HSD17B2: variants seen among roughly 807,000 people sequenced by gnomAD.
HSD17B2 encodes the protein 17-beta-hydroxysteroid dehydrogenase type 2.
Under a neutral mutation model 26.9 loss-of-function variants are expected in HSD17B2, and 32 were observed. That is an observed-to-expected ratio of 1.19 (90% CI 0.90 to 1.60). The LOEUF (loss-of-function observed/expected upper bound fraction) is 1.60, where lower values mean the gene tolerates loss of function less well. HSD17B2 is among the 40% of genes most tolerant of loss of function. HSD17B2 has a pLI of 0.00. For missense variants in HSD17B2, 613 were observed against 468.6 expected (o/e 1.31, Z -2.85); for synonymous variants, 246 against 186.7 (o/e 1.32, Z -2.59).
intron 1 of HSD17B2, among the ~76,000 whole-genome samples, chr16:82,040,184 A>G (rs1341757549): frequency 1.3e-5 from 2 of 152,200 alleles, no homozygotes; most frequent in African/African-American, 4.8e-5. Flanking sequence ...GCTCACAAGA[A>G]AGTGTCTCAC....
chr16:82,049,876 C>T (rs1006594043), intron 1 of HSD17B2, among the ~76,000 whole-genome samples: 1 of 152,220 alleles, frequency 6.6e-6, no homozygotes, highest in Non-Finnish European at 1.5e-5. Flanking sequence ...TGCATGCATA[C>T]AGAGAAGGTC....
intron 1 of HSD17B2, among the ~76,000 whole-genome samples, chr16:82,063,493 T>C (rs1183717238): frequency 1.3e-5 from 2 of 151,960 alleles, no homozygotes; most frequent in Non-Finnish European, 2.9e-5. Flanking sequence ...GCCTCATGGG[T>C]AAACACAAGC....
At chr16:82,042,809 T>C (rs573576859) in intron 1 of HSD17B2, among the ~76,000 whole-genome samples, 1 of 152,042 alleles carries the variant, frequency 6.6e-6, no homozygotes, top group East Asian at 2.0e-4. Flanking sequence ...TTAGTAGAGA[T>C]GGGCTTTCAC....
At chr16:82,064,519 C>T (rs759143377) in intron 1 of HSD17B2, among the ~76,000 whole-genome samples, 3 of 152,168 alleles carry the variant, frequency 2.0e-5, no homozygotes, top group Non-Finnish European at 4.4e-5. Context: ...CTTGGGTACA[C>T]ACCTAGGAGC....
chr16:82,051,557 G>A (rs1914107336), intron 1 of HSD17B2, among the ~76,000 whole-genome samples: 1 of 152,004 alleles, frequency 6.6e-6, no homozygotes, highest in South Asian at 2.1e-4. Flanking sequence ...CACACATCGG[G>A]GCCTATTGGG....
chr16:82,042,787 A>G (rs1459004995), intron 1 of HSD17B2, among the ~76,000 whole-genome samples: 1 of 150,430 alleles, frequency 6.6e-6, no homozygotes, highest in African/African-American at 2.5e-5. Context: ...ATGCTCAGCT[A>G]ATTTTGTATT....
intron 1 of HSD17B2, among the ~76,000 whole-genome samples, chr16:82,059,148 A>G (rs1914360591): frequency 1.3e-5 from 2 of 152,208 alleles, no homozygotes; most frequent in African/African-American, 2.4e-5. Context: ...AAACTATGAC[A>G]TATTCCTAGA....
chr16:82,070,466 C>T (rs1914672464), intron 2 of HSD17B2, among the ~76,000 whole-genome samples: 1 of 152,232 alleles, frequency 6.6e-6, no homozygotes, highest in African/African-American at 2.4e-5. Flanking sequence ...TCACAGCATT[C>T]ACATTCTACA....
chr16:82,087,012 T>C (rs1904547078), intron 3 of HSD17B2, among the ~76,000 whole-genome samples: 1 of 152,232 alleles, frequency 6.6e-6, no homozygotes, highest in African/African-American at 2.4e-5. Context: ...GGCCTCATCT[T>C]TCTGATCTCA....
intron 1 of HSD17B2, chr16:82,063,182 C>T (rs1343362388): frequency 2.0e-5 from 3 of 152,316 alleles, no homozygotes; most frequent in African/African-American, 7.2e-5. Flanking sequence ...CAGTCTGAGT[C>T]TTAACCAAGA....
chr16:82,063,560 T>A (rs138064273), intron 1 of HSD17B2, among the ~76,000 whole-genome samples: 258 of 152,214 alleles, frequency 1.7e-3, no homozygotes, highest in African/African-American at 6.0e-3. Context: ...AAAAAAAACC[T>A]CAGATTTAGT....
chr16:82,085,093 A>G (rs1042229271), intron 3 of HSD17B2, among the ~76,000 whole-genome samples: 1 of 152,246 alleles, frequency 6.6e-6, no homozygotes, highest in African/African-American at 2.4e-5. Context: ...TTACAAGTCT[A>G]CAAATTAAAA....
chr16:82,071,519 T>G (rs1250718091), intron 3 of HSD17B2: 1 of 323,084 alleles, frequency 3.1e-6, no homozygotes, highest in Non-Finnish European at 6.0e-6. Flanking sequence ...GTAAGCTGAG[T>G]AGGCAATACC....
intron 3 of HSD17B2, among the ~76,000 whole-genome samples, chr16:82,088,031 T>C (rs948194335): frequency 6.6e-6 from 1 of 152,196 alleles, no homozygotes; most frequent in Non-Finnish European, 1.5e-5. Flanking sequence ...ACCACAGCGC[T>C]TACCCATAAG....
chr16:82,074,314 T>C (rs939392323), intron 3 of HSD17B2, among the ~76,000 whole-genome samples: 1 of 152,220 alleles, frequency 6.6e-6, no homozygotes, highest in African/African-American at 2.4e-5. Flanking sequence ...GTTTTGAATC[T>C]TCATGTCCTG....
chr16:82,098,340 T>C lies in HSD17B2; in HGVS notation c.1068T>C (p.Ile356=). The C allele has an allele frequency of 1.2e-6, 2 of 1,614,162 alleles. No individual in the cohort carries two copies. The highest frequency in any genetic ancestry group is 1.7e-6 in the Non-Finnish European group (2 of 1,179,994). The stretch of plus-strand genomic sequence containing the variant: ...TCTGCCTTGCTCACTATTTGCCTAT[T>C]GGCATATATGATTACTTTGCTAAAA... ...LWICLAHYLP[I]GIYDYFAKRH... Residue 356 remains isoleucine, a synonymous_variant, in exon 5 of 5, where the codon ATT becomes ATC. Coordinates refer to ENST00000199936, the MANE Select transcript of HSD17B2 (RefSeq NM_002153.3).
At chr16:82,036,579 G>A (rs1359026494) in intron 1 of HSD17B2, among the ~76,000 whole-genome samples, 1 of 152,094 alleles carries the variant, frequency 6.6e-6, no homozygotes, top group Non-Finnish European at 1.5e-5. Context: ...AGGCAAGAAT[G>A]GCATGGGGAT....
intron 1 of HSD17B2, among the ~76,000 whole-genome samples, chr16:82,058,683 G>T (rs1163445902): frequency 6.6e-6 from 1 of 152,072 alleles, no homozygotes; most frequent in Admixed American, 6.5e-5. Context: ...CGGTGACCAG[G>T]TCTTAGTTGA....
At position 82,071,051 on chromosome 16, in the gene HSD17B2, T is replaced by A. The variant is rs749202717; in HGVS notation, c.588T>A (p.Thr196=). 6.2e-7 allele frequency: 1 copy of A among 1,614,130 alleles called. No homozygotes were observed. The highest frequency in any genetic ancestry group is 1.1e-5 in the South Asian group (1 of 91,086). The change falls in exon 3 of 5, where the codon ACT becomes ACA. Residue 196 remains threonine, a synonymous_variant. Transcript: ENST00000199936. ...GCATGGCCGTGAACTTCTTTGGAAC[T>A]GTGGAGGTCACAAAGACGTTTTTGC... ...KQCMAVNFFG[T]VEVTKTFLPL...
Sources: gnomAD v4.1 joint callset for allele counts (sites outside exome capture counted in the v4.1 genomes callset) on GRCh38, gnomAD v4.1.1 for gene constraint, MANE v1.5 for transcripts, NCBI Gene and HGNC (gene_info 2026-07-23, HGNC 2026-07-21) for gene names.